METTL22: variants seen among roughly 807,000 people sequenced by gnomAD.
The protein encoded by METTL22 is methyltransferase-like protein 22.
Under a neutral mutation model 48.4 loss-of-function variants are expected in METTL22, and 51 were observed. The observed-to-expected ratio is 1.05, with a 90% CI of 0.84 to 1.33. The LOEUF (loss-of-function observed/expected upper bound fraction) is 1.33, where lower values mean the gene tolerates loss of function less well. Ranked by LOEUF, METTL22 falls within the 40% of genes most tolerant of loss-of-function variation. METTL22 has a pLI of 0.00. For synonymous variants in METTL22, 255 were observed against 214.1 expected, an observed-to-expected ratio of 1.19 and a Z score of -1.67; for missense variants, 678 against 526.9, an observed-to-expected ratio of 1.29 and a Z score of -2.81.
At chr16:8,655,164 T>A in the METTL22 span, among the ~76,000 whole-genome samples, 1 of 152,218 alleles carries the variant, frequency 6.6e-6, no homozygotes, top group Non-Finnish European at 1.5e-5. Flanking sequence ...TTTATTATCT[T>A]ACAGTACCTG....
In METTL22 at chr16:8,641,171, C is replaced by A. The variant is rs773593949; in HGVS notation, c.813C>A (p.Asp271Glu). The change falls in exon 7 of 11, where the codon GAC becomes GAA. Residue 271 changes from aspartate to glutamate, a missense_variant. Coordinates refer to ENST00000381920, the MANE Select transcript of METTL22 (RefSeq NM_024109.4). ...VRVKELDWLK[D>E]DLCTDPKVPF... is the part of the protein sequence containing the mutation. ...TCAAAGAACTGGACTGGCTGAAGGACGACCTCTGCACAGGTGTGTGTTTCT... is the reference window on the plus strand; with the variant it reads ...TCAAAGAACTGGACTGGCTGAAGGAAGACCTCTGCACAGGTGTGTGTTTCT... 6.2e-7 allele frequency: 1 copy of A among 1,613,932 alleles called. No individual in the cohort carries two copies. The highest frequency in any genetic ancestry group is 8.5e-7 in the Non-Finnish European group (1 of 1,179,936).
chr16:8,666,360 T>C, the METTL22 span, among the ~76,000 whole-genome samples: 1 of 152,218 alleles, frequency 6.6e-6, no homozygotes, highest in African/African-American at 2.4e-5. Flanking sequence ...CCACACCTTA[T>C]TATCGACCCA....
downstream of METTL22, among the ~76,000 whole-genome samples, chr16:8,651,611 A>G (rs2056899597): frequency 1.3e-5 from 2 of 151,998 alleles, no homozygotes; most frequent in Admixed American, 6.6e-5. Context: ...CCCTCTCTCT[A>G]TAAATAAAAG....
At chr16:8,660,877 A>AGAGGAG in the METTL22 span, among the ~76,000 whole-genome samples, 26 of 10,884 alleles carry the variant, frequency 2.4e-3, 1 homozygote, top group African/African-American at 3.8e-3. Context: ...AGGAGGAGGA[A>AGAGGAG]GAGGAGGAGG....
At chr16:8,658,346 G>C in the METTL22 span, among the ~76,000 whole-genome samples, 1 of 152,322 alleles carries the variant, frequency 6.6e-6, no homozygotes, top group East Asian at 1.9e-4. Flanking sequence ...CATTTCCACT[G>C]TTTTAATCCC....
At position 8,645,884 on chromosome 16, in the gene METTL22, A is replaced by G. The variant is rs547230803; in HGVS notation, c.1180-224A>G. On this transcript the variant is annotated intron_variant, in intron 10 of 10. Coordinates refer to ENST00000381920, the MANE Select transcript of METTL22 (RefSeq NM_024109.4). ...GACATCCTCTGATGCACCTTCCGTT[A>G]ATGCTGGGACTTCATCCATCCAGCC... 2.4e-3 allele frequency: 2,529 copies of G among 1,070,522 alleles called. 3 individuals are homozygous for G. Among genetic ancestry groups the G allele is most frequent in the Non-Finnish European group, 2.7e-3 (2,391 of 892,066 alleles). 66.3% of individuals were successfully genotyped at this position (1,070,522 alleles called of 1,614,324 possible). A position where few individuals can be genotyped will look rare whatever the true frequency, so the allele number is the denominator to read the frequency against.
In METTL22 at chr16:8,645,372, G is replaced by T. The variant is rs189510290; in HGVS notation, c.1179+647G>T. ...ATTCGTGTGGTTTTGTGTGCGAGGA[G>T]GATCTTGTATTTATTGCTCTGCCAC... On this transcript the variant is annotated intron_variant, in intron 10 of 10. Transcript: ENST00000381920. Among the ~76,000 whole-genome samples the T allele has an allele frequency of 1.4e-4, 22 of 152,314 alleles. No homozygotes were observed. The East Asian group carries it at 3.1e-3, about 21-fold the overall frequency.
At chr16:8,646,002 G>A (rs2141822376) in intron 10 of METTL22, 106 bp from the exon 11 acceptor site, 5 of 1,544,532 alleles carry the variant, frequency 3.2e-6, no homozygotes, top group African/African-American at 1.4e-5. Context: ...CTCCGTGGCT[G>A]ACGTGTTGTC....
intron 9 of METTL22, 35 bp from the exon 10 acceptor site, chr16:8,644,522 A>G (rs1224485109): frequency 6.6e-7 from 1 of 1,516,894 alleles, no homozygotes. Context: ...CCCATTGATG[A>G]TGGCAGTTTG....
rs1374593673 is a variant in METTL22, at chr16:8,646,814, C to T, written c.*671C>T. The stretch of plus-strand genomic sequence containing the variant: ...GATCTTCCTCAGAGGTGTTCCCTTC[C>T]GCCTGGACTCATTTTCCCTCCGCCC... On this transcript the variant is annotated 3_prime_UTR_variant, in exon 11 of 11. Coordinates refer to ENST00000381920, the MANE Select transcript of METTL22 (RefSeq NM_024109.4). 2.6e-5 allele frequency: 10 copies of T among 387,208 alleles called. No homozygotes were observed. The highest frequency in any genetic ancestry group is 6.0e-5 in the Admixed American group (2 of 33,246). The allele number at this position is 387,208 out of a possible 1,614,324, so 24.0% of individuals were successfully genotyped here. A position where few individuals can be genotyped will look rare whatever the true frequency, so the allele number is the denominator to read the frequency against.
At chr16:8,656,525 A>C in the METTL22 span, among the ~76,000 whole-genome samples, 1 of 152,234 alleles carries the variant, frequency 6.6e-6, no homozygotes, top group African/African-American at 2.4e-5. Flanking sequence ...TTGCAGAGTA[A>C]GATTCTCTGC....
Position 8,642,474 on chromosome 16 carries a change from G to A in METTL22, c.919G>A (p.Asp307Asn), listed in dbSNP as rs1165448813. 9 of 1,614,032 alleles carry A rather than the reference G, an allele frequency of 5.6e-6. No individual in the cohort carries two copies. Among genetic ancestry groups the A allele is most frequent in the East Asian group, 2.2e-5 (1 of 44,890 alleles). The change falls in exon 9 of 11, where the codon GAC becomes AAC. Residue 307 changes from aspartate to asparagine, a missense_variant. Asp to Asn is a conservative substitution (Grantham distance 23). Transcript: ENST00000381920. ...ILFAAEVFYD[D>N]DLTDAVFKTL... The stretch of plus-strand genomic sequence containing the variant: ...TTTGCTTCCCACAGTGTTTTACGAC[G>A]ACGACTTGACTGATGCTGTGTTTAA...
chr16:8,660,482 T>C, the METTL22 span, among the ~76,000 whole-genome samples: 1 of 151,944 alleles, frequency 6.6e-6, no homozygotes, highest in Non-Finnish European at 1.5e-5. Flanking sequence ...CCCAGCATAA[T>C]ATGGCAATTT....
At chr16:8,651,943 T>C (rs973407751), downstream of METTL22, among the ~76,000 whole-genome samples, 4 of 152,142 alleles carry the variant, frequency 2.6e-5, no homozygotes, top group African/African-American at 7.2e-5. Context: ...GACGGGTTGA[T>C]AGGTGCAGCA....
chr16:8,664,412 T>C, the METTL22 span, among the ~76,000 whole-genome samples: 3 of 151,966 alleles, frequency 2.0e-5, no homozygotes, highest in Non-Finnish European at 4.4e-5. Flanking sequence ...TCCCAAAGTG[T>C]TGGGATTACA....
the METTL22 span, among the ~76,000 whole-genome samples, chr16:8,657,616 T>C: frequency 6.6e-6 from 1 of 152,140 alleles, no homozygotes; most frequent in African/African-American, 2.4e-5. Context: ...TTTTCCACCT[T>C]TTTGAAACTA....
intron 3 of METTL22, among the ~76,000 whole-genome samples, chr16:8,632,579 G>A (rs569514184): frequency 6.6e-6 from 1 of 152,044 alleles, no homozygotes; most frequent in Non-Finnish European, 1.5e-5. Flanking sequence ...CCCCCTTCTG[G>A]GCTTCAGTGA....
At chr16:8,627,887 T>G (rs1329315991) in intron 2 of METTL22, among the ~76,000 whole-genome samples, 2 of 152,144 alleles carry the variant, frequency 1.3e-5, no homozygotes, top group Non-Finnish European at 2.9e-5. Context: ...GCTGGGACTA[T>G]AGGCACATGC....
At chr16:8,650,649 A>G (rs949838033), downstream of METTL22, among the ~76,000 whole-genome samples, 1 of 152,256 alleles carries the variant, frequency 6.6e-6, no homozygotes, top group African/African-American at 2.4e-5. Context: ...GAATACCTCA[A>G]ATACCCTGGC....
Sources: gnomAD v4.1 joint callset for allele counts (sites outside exome capture counted in the v4.1 genomes callset) on GRCh38, gnomAD v4.1.1 for gene constraint, MANE v1.5 for transcripts, NCBI Gene and HGNC (gene_info 2026-07-23, HGNC 2026-07-21) for gene names.